Variants in CACNA1E observed in about 807,000 individuals in gnomAD.
The protein encoded by CACNA1E is calcium voltage-gated channel subunit alpha1 E.
A neutral mutation model predicts 259.2 loss-of-function variants in CACNA1E; 40 were observed. That is an observed-to-expected ratio of 0.15 (90% CI 0.12 to 0.20). CACNA1E has a LOEUF of 0.20. Among genes scored for constraint, CACNA1E ranks in the 10% least tolerant of loss-of-function variants. The pLI is 1.00. For synonymous variants in CACNA1E, 1,104 were observed against 1,138.5 expected (o/e 0.97, Z 0.61); for missense variants, 1,874 against 3,040.1 (o/e 0.62, Z 9.02).
At chr1:181,439,677 AT>A (rs1660325843) in intron 2 of CACNA1E, among the ~76,000 whole-genome samples, 2 of 152,182 alleles carry the variant, frequency 1.3e-5, no homozygotes, top group African/African-American at 4.8e-5. Flanking sequence ...CATCTAAGGC[AT>A]TTCCCCACAA....
At chr1:181,350,214 C>T (rs996611332) in intron 1 of CACNA1E, among the ~76,000 whole-genome samples, 1 of 152,248 alleles carries the variant, frequency 6.6e-6, no homozygotes, top group African/African-American at 2.4e-5. Flanking sequence ...TTTTGGGAAA[C>T]TCACGCAAGT....
intron 1 of CACNA1E, among the ~76,000 whole-genome samples, chr1:181,362,237 T>C (rs928819054): frequency 6.6e-6 from 1 of 152,256 alleles, no homozygotes; most frequent in African/African-American, 2.4e-5. Context: ...CACACAGCTC[T>C]GTGTCTGTCA....
Position 181,485,931 on chromosome 1 carries a change from G to A in CACNA1E, c.266+1921G>A, listed in dbSNP as rs1663770099. On this transcript the variant is annotated intron_variant, in intron 1 of 47. Coordinates refer to ENST00000367573, the MANE Select transcript of CACNA1E (RefSeq NM_001205293.3). This position sits in a 1 kb window ranked among gnomAD's most constrained non-coding sequence, Gnocchi z 4.2. ...AGCCATCGTTGGCACCTCGGACAGCGCCGCTGAAACTCCCGGCGGCCCGGG... is the reference window on the plus strand; with the variant it reads ...AGCCATCGTTGGCACCTCGGACAGCACCGCTGAAACTCCCGGCGGCCCGGG... Among the ~76,000 whole-genome samples the A allele has an allele frequency of 6.6e-6, 1 of 152,236 alleles. No individual in the cohort carries two copies. The highest frequency in any genetic ancestry group is 2.4e-5 in the African/African-American group (1 of 41,458).
At chr1:181,765,312 T>G (rs954912454) in intron 34 of CACNA1E, among the ~76,000 whole-genome samples, 2 of 152,142 alleles carry the variant, frequency 1.3e-5, no homozygotes, top group East Asian at 1.9e-4. Flanking sequence ...TAGGGAGAGA[T>G]AAACTAGGGA....
chr1:181,545,875 C>T (rs1043534313), intron 3 of CACNA1E, among the ~76,000 whole-genome samples: 2 of 152,160 alleles, frequency 1.3e-5, no homozygotes, highest in African/African-American at 4.8e-5. Context: ...ACTTTCTTTG[C>T]TGTTCCTTCA....
chr1:181,556,191 A>G (rs1648701467), intron 3 of CACNA1E, among the ~76,000 whole-genome samples: 1 of 152,144 alleles, frequency 6.6e-6, no homozygotes, highest in Non-Finnish European at 1.5e-5. Flanking sequence ...AGAGTAGCCC[A>G]GGGCATCTTC....
At chr1:181,774,929 C>T (rs1389832718) in intron 37 of CACNA1E, among the ~76,000 whole-genome samples, 1 of 152,132 alleles carries the variant, frequency 6.6e-6, no homozygotes, top group African/African-American at 2.4e-5. Context: ...TTTATAGGCT[C>T]CTGTAAATGA....
intron 1 of CACNA1E, among the ~76,000 whole-genome samples, chr1:181,356,545 G>T (rs1017820888): frequency 6.6e-6 from 1 of 152,190 alleles, no homozygotes; most frequent in African/African-American, 2.4e-5. Context: ...CCCACTTGTG[G>T]CTCTGCTGTT....
intron 2 of CACNA1E, among the ~76,000 whole-genome samples, chr1:181,467,615 C>T (rs560746569): frequency 1.3e-5 from 2 of 152,214 alleles, no homozygotes; most frequent in South Asian, 4.2e-4. Context: ...CTGTGCAGGC[C>T]TATGAGACCA....
At position 181,746,037 on chromosome 1, in the gene CACNA1E, T is replaced by C. The variant is rs548009344; in HGVS notation, c.3720-4439T>C. On this transcript the variant is annotated intron_variant, in intron 25 of 47. Coordinates refer to ENST00000367573, the MANE Select transcript of CACNA1E (RefSeq NM_001205293.3). ...GGAAAGGATTATGCACCACTTAGCA[T>C]AGAGCTAGTGCTCTGGTCACATGAC... Among the ~76,000 whole-genome samples the C allele has an allele frequency of 2.0e-5, 3 of 152,332 alleles. No homozygotes were observed. In the South Asian group the frequency reaches 6.2e-4, roughly 32 times the overall value.
At chr1:181,456,562 A>G (rs1360702536) in intron 2 of CACNA1E, among the ~76,000 whole-genome samples, 1 of 152,154 alleles carries the variant, frequency 6.6e-6, no homozygotes, top group South Asian at 2.1e-4. Flanking sequence ...ACTGGCTGCA[A>G]GTCATGGAGA....
At chr1:181,564,372 G>T (rs929407492) in intron 3 of CACNA1E, among the ~76,000 whole-genome samples, 26 of 152,146 alleles carry the variant, frequency 1.7e-4, no homozygotes, top group African/African-American at 6.3e-4. Flanking sequence ...TTTACCTCAA[G>T]AAACTACTTT....
At chr1:181,360,570 G>C (rs181976845) in intron 1 of CACNA1E, among the ~76,000 whole-genome samples, 7 of 152,162 alleles carry the variant, frequency 4.6e-5, no homozygotes, top group African/African-American at 1.7e-4. Context: ...GACTAGGGGT[G>C]GGGGAGAATT....
At chr1:181,478,592 A>C (rs1299404832), upstream of CACNA1E, among the ~76,000 whole-genome samples, 4 of 152,222 alleles carry the variant, frequency 2.6e-5, no homozygotes, top group African/African-American at 9.6e-5. Flanking sequence ...AAAATAGAAC[A>C]AAAGGGGCTC....
At chr1:181,373,988 G>T (rs1357158517) in intron 1 of CACNA1E, among the ~76,000 whole-genome samples, 1 of 151,988 alleles carries the variant, frequency 6.6e-6, no homozygotes, top group Non-Finnish European at 1.5e-5. Flanking sequence ...ATAGATTTTT[G>T]CATCTCAATT....
intron 2 of CACNA1E, among the ~76,000 whole-genome samples, chr1:181,415,029 A>G (rs1658159997): frequency 6.6e-6 from 1 of 152,232 alleles, no homozygotes; most frequent in African/African-American, 2.4e-5. Context: ...ACTTCGAAAG[A>G]CAAGTAGGAG....
chr1:181,645,400 C>T (rs567447998), intron 6 of CACNA1E, among the ~76,000 whole-genome samples: 1 of 152,230 alleles, frequency 6.6e-6, no homozygotes, highest in African/African-American at 2.4e-5. Flanking sequence ...AAGGTAGTAG[C>T]AGTTCATTCT....
chr1:181,760,125 A>G (rs1658451360), intron 32 of CACNA1E, among the ~76,000 whole-genome samples: 1 of 152,082 alleles, frequency 6.6e-6, no homozygotes, highest in Non-Finnish European at 1.5e-5. Flanking sequence ...TTTTCTATGC[A>G]TGTTGATTAC....
chr1:181,430,906 C>T (rs891763624), intron 2 of CACNA1E, among the ~76,000 whole-genome samples: 1 of 152,142 alleles, frequency 6.6e-6, no homozygotes, highest in African/African-American at 2.4e-5. Context: ...AGTTACTTAG[C>T]CTTCCTGAAC....
Sources: gnomAD v4.1 joint callset for allele counts (sites outside exome capture counted in the v4.1 genomes callset) on GRCh38, gnomAD v4.1.1 for gene constraint, Gnocchi (gnomAD v3.1) non-coding constraint, MANE v1.5 for transcripts, NCBI Gene and HGNC (gene_info 2026-07-23, HGNC 2026-07-21) for gene names.